PCCA: variants seen among roughly 807,000 people sequenced by gnomAD.
PCCA encodes propionyl-CoA carboxylase subunit alpha.
Under a neutral mutation model 101.3 loss-of-function variants are expected in PCCA, and 74 were observed. The ratio of observed to expected loss-of-function variants is 0.73; its 90% CI spans 0.61 to 0.89. PCCA has a LOEUF of 0.89. Ranked by LOEUF, PCCA falls within the 40% of genes least tolerant of loss-of-function variation. PCCA has a pLI of 0.00. For synonymous variants in PCCA, 294 were observed against 313.6 expected (o/e 0.94, Z 0.66); for missense variants, 891 against 907.0 (o/e 0.98, Z 0.23).
intron 20 of PCCA, among the ~76,000 whole-genome samples, chr13:100,448,180 GT>G (rs1050105712): frequency 9.9e-5 from 15 of 152,048 alleles, no homozygotes; most frequent in Admixed American, 9.8e-4. Flanking sequence ...AGTAGAGCAA[GT>G]TTTTTTTGTT....
chr13:100,407,219 G>A (rs553444216), intron 19 of PCCA, among the ~76,000 whole-genome samples: 13 of 152,278 alleles, frequency 8.5e-5, no homozygotes, highest in South Asian at 6.2e-4. Flanking sequence ...ACCTAAAGAA[G>A]ATTGAACATC....
intron 14 of PCCA, among the ~76,000 whole-genome samples, chr13:100,303,573 A>G (rs2066227010): frequency 6.6e-6 from 1 of 152,074 alleles, no homozygotes; most frequent in African/African-American, 2.4e-5. Context: ...GTTGCAGAAA[A>G]AGAGCAAGGA....
chr13:100,125,382 T>G (rs1047775159), intron 4 of PCCA, among the ~76,000 whole-genome samples: 1 of 152,158 alleles, frequency 6.6e-6, no homozygotes, highest in Non-Finnish European at 1.5e-5. Flanking sequence ...TAACTTTCCT[T>G]ATCAACAGCA....
chr13:100,164,528 C>A (rs80303035), intron 6 of PCCA, among the ~76,000 whole-genome samples: 1 of 152,060 alleles, frequency 6.6e-6, no homozygotes, highest in Admixed American at 6.5e-5. Context: ...GCTTTTTTCC[C>A]CTGACTCCTT....
intron 1 of PCCA, among the ~76,000 whole-genome samples, chr13:100,100,059 AT>A (rs965943996): frequency 1.3e-5 from 2 of 152,140 alleles, no homozygotes; most frequent in Non-Finnish European, 1.5e-5. Flanking sequence ...AAAACCTTAC[AT>A]TTTTTGGCAC....
intron 6 of PCCA, among the ~76,000 whole-genome samples, chr13:100,174,240 G>A (rs564243329): frequency 4.1e-4 from 62 of 151,824 alleles, no homozygotes; most frequent in African/African-American, 1.4e-3. Flanking sequence ...CAGCAAGCTG[G>A]GACTAGAACT....
Position 100,166,518 on chromosome 13 carries a change from C to T in PCCA, c.468+9178C>T, listed in dbSNP as rs555759562. On this transcript the variant is annotated intron_variant, in intron 6 of 23. Transcript: ENST00000376285. ...TTTGTCATGTTGGCCAGGCTGGTTTCGAACTCCTGGCCTCAAGTGAGCTGC... is the reference window on the plus strand; with the variant it reads ...TTTGTCATGTTGGCCAGGCTGGTTTTGAACTCCTGGCCTCAAGTGAGCTGC... Among the ~76,000 whole-genome samples, 16 of 152,230 alleles carry T rather than the reference C, an allele frequency of 1.1e-4. No individual in the cohort carries two copies. The East Asian group carries it at 1.7e-3, about 17-fold the overall frequency.
In PCCA at chr13:100,089,331, C is replaced by A. The variant is rs369610314; in HGVS notation, c.105+106C>A. 1,243 of 1,309,108 alleles carry A rather than the reference C, an allele frequency of 9.5e-4. 7 individuals are homozygous for A. The African/African-American group carries it at 0.017, about 18-fold the overall frequency. 81.1% of individuals were successfully genotyped at this position (1,309,108 alleles called of 1,614,324 possible). A position where few individuals can be genotyped will look rare whatever the true frequency, so the allele number is the denominator to read the frequency against. ...AGCGCTGGCTGGGTCCGGCTGCCCCCGCGCCCCGGTTCCGCATCAGCTACA... is the reference window on the plus strand; with the variant it reads ...AGCGCTGGCTGGGTCCGGCTGCCCCAGCGCCCCGGTTCCGCATCAGCTACA... On this transcript the variant is annotated intron_variant, in intron 1 of 23. Transcript: ENST00000376285.
chr13:100,241,798 G>A (rs1225639288), intron 8 of PCCA, among the ~76,000 whole-genome samples: 2 of 151,980 alleles, frequency 1.3e-5, no homozygotes, highest in African/African-American at 4.8e-5. Context: ...TGGACATTTG[G>A]GTTGTTTTTA....
At chr13:100,178,930 A>G (rs1005655659) in intron 6 of PCCA, among the ~76,000 whole-genome samples, 2 of 151,748 alleles carry the variant, frequency 1.3e-5, no homozygotes. Context: ...ACAAAATATT[A>G]GCTGGGCGTG....
At chr13:100,417,118 C>G (rs909238608) in intron 19 of PCCA, among the ~76,000 whole-genome samples, 1 of 152,054 alleles carries the variant, frequency 6.6e-6, no homozygotes, top group Non-Finnish European at 1.5e-5. Context: ...GCTGGGATTA[C>G]AGGCGTGAGC....
At chr13:100,254,648 C>T (rs1440191710) in intron 8 of PCCA, among the ~76,000 whole-genome samples, 1 of 152,122 alleles carries the variant, frequency 6.6e-6, no homozygotes, top group Non-Finnish European at 1.5e-5. Flanking sequence ...ATTCTTTTCC[C>T]TCCTCTTCAG....
intron 6 of PCCA, among the ~76,000 whole-genome samples, chr13:100,168,136 T>C (rs2152409011): frequency 6.6e-6 from 1 of 152,328 alleles, no homozygotes; most frequent in South Asian, 2.1e-4. Flanking sequence ...TGAGAGATTC[T>C]AGTGTTCATT....
At chr13:100,121,153 GTT>G (rs747251831) in intron 4 of PCCA, among the ~76,000 whole-genome samples, 4,064 of 99,330 alleles carry the variant, frequency 0.041, 85 homozygotes, top group Non-Finnish European at 0.052. Context: ...GATTTCTTAG[GTT>G]TTTTTTTTTT....
chr13:100,509,974 C>G (rs550846046), intron 21 of PCCA, among the ~76,000 whole-genome samples: 1 of 152,010 alleles, frequency 6.6e-6, no homozygotes, highest in Non-Finnish European at 1.5e-5. Context: ...ACCCATGAGC[C>G]GAAAACCCAG....
At chr13:100,515,931 G>T (rs747718738) in intron 22 of PCCA, among the ~76,000 whole-genome samples, 7 of 152,270 alleles carry the variant, frequency 4.6e-5, no homozygotes, top group Non-Finnish European at 8.8e-5. Flanking sequence ...ATACTCCGAT[G>T]AGGAACTTTT....
chr13:100,172,032 A>C (rs2055719125), intron 6 of PCCA, among the ~76,000 whole-genome samples: 1 of 82,096 alleles, frequency 1.2e-5, no homozygotes, highest in Non-Finnish European at 2.7e-5. Flanking sequence ...ACTCTGTCTC[A>C]AAAAAAAAAA....
intron 12 of PCCA, among the ~76,000 whole-genome samples, chr13:100,278,362 G>A (rs1161736360): frequency 6.6e-6 from 1 of 152,050 alleles, no homozygotes; most frequent in Admixed American, 6.5e-5. Context: ...TTGACAAATG[G>A]GCAGTTTGTT....
intron 2 of PCCA, among the ~76,000 whole-genome samples, chr13:100,105,539 G>A (rs2047673302): frequency 6.6e-6 from 1 of 151,736 alleles, no homozygotes; most frequent in East Asian, 1.9e-4. Context: ...TGTTAGAAGT[G>A]GGCTATCAGC....
Sources: gnomAD v4.1 joint callset for allele counts (sites outside exome capture counted in the v4.1 genomes callset) on GRCh38, gnomAD v4.1.1 for gene constraint, MANE v1.5 for transcripts, NCBI Gene and HGNC (gene_info 2026-07-23, HGNC 2026-07-21) for gene names.